Variants in DISC1 observed in about 807,000 individuals in gnomAD.
DISC1 encodes the protein DISC1 scaffold protein.
Under a neutral mutation model 84.5 loss-of-function variants are expected in DISC1, and 57 were observed. The observed-to-expected ratio is 0.67, with a 90% CI of 0.55 to 0.84. DISC1 has a LOEUF of 0.84. Among genes scored for constraint, DISC1 ranks in the 40% least tolerant of loss-of-function variants. DISC1 has a pLI of 0.00. For missense variants in DISC1, 1,000 were observed against 1,057.8 expected (o/e 0.95, Z 0.76); for synonymous variants, 411 against 415.2 (o/e 0.99, Z 0.12).
In DISC1 at chr1:231,828,435, G is replaced by T. The variant is rs2082009593; in HGVS notation, c.1981+9918G>T. Among the ~76,000 whole-genome samples, 2 of 152,170 alleles carry T rather than the reference G, an allele frequency of 1.3e-5. 1 individual carries two copies. Among genetic ancestry groups the T allele is most frequent in the South Asian group, 4.1e-4 (2 of 4,824 alleles). On this transcript the variant is annotated intron_variant, in intron 9 of 12. Coordinates refer to ENST00000439617, the MANE Select transcript of DISC1 (RefSeq NM_018662.3). Reference sequence around the variant, plus strand: ...TGGATGCCAACTTCATGTCTGCCCTGAGAAGGTCACCAAACACGGACATTC... The same window carrying T: ...TGGATGCCAACTTCATGTCTGCCCTTAGAAGGTCACCAAACACGGACATTC...
intron 9 of DISC1, among the ~76,000 whole-genome samples, chr1:231,900,300 C>T (rs2126025142): frequency 6.6e-6 from 1 of 152,304 alleles, no homozygotes; most frequent in South Asian, 2.1e-4. Flanking sequence ...GGAAAAATAC[C>T]ACTGCGGTGG....
intron 4 of DISC1, among the ~76,000 whole-genome samples, chr1:231,756,377 G>A (rs1236526033): frequency 6.6e-6 from 1 of 152,148 alleles, no homozygotes; most frequent in African/African-American, 2.4e-5. Flanking sequence ...GGACAAGACT[G>A]TATTATATTT....
At chr1:232,018,287 C>T (rs1282243397) in intron 11 of DISC1, among the ~76,000 whole-genome samples, 1 of 152,112 alleles carries the variant, frequency 6.6e-6, no homozygotes, top group Non-Finnish European at 1.5e-5. Flanking sequence ...AATATAAGCT[C>T]CAGTTCTAAA....
chr1:231,919,853 A>G (rs966818578), intron 9 of DISC1, among the ~76,000 whole-genome samples: 16 of 152,210 alleles, frequency 1.1e-4, no homozygotes, highest in African/African-American at 3.9e-4. Context: ...TCAGATCTGT[A>G]TACTTGTGTT....
chr1:231,748,109 A>G (rs1352603099), intron 3 of DISC1, among the ~76,000 whole-genome samples: 5 of 152,154 alleles, frequency 3.3e-5, no homozygotes, highest in Non-Finnish European at 5.9e-5. Context: ...CACTGAATTC[A>G]TTTATCAGTT....
At chr1:231,813,449 G>C (rs532746012) in intron 8 of DISC1, 1 of 152,362 alleles carries the variant, frequency 6.6e-6, no homozygotes, top group South Asian at 2.1e-4. Context: ...CCTCCTGCGA[G>C]CTCCCCAGAG....
At chr1:231,959,515 A>C in intron 10 of DISC1, 1 of 985,286 alleles carries the variant, frequency 1.0e-6, no homozygotes, top group Non-Finnish European at 1.2e-6. Flanking sequence ...TCTTCCCTGG[A>C]AGTCATTTAG....
At chr1:231,780,792 A>C (rs1288765351) in intron 6 of DISC1, among the ~76,000 whole-genome samples, 1 of 96,778 alleles carries the variant, frequency 1.0e-5, no homozygotes, top group Admixed American at 1.2e-4. Flanking sequence ...TGGATTAAGA[A>C]AATGTGGCAC....
At chr1:231,852,485 T>TA (rs1407355646) in intron 9 of DISC1, among the ~76,000 whole-genome samples, 1 of 152,198 alleles carries the variant, frequency 6.6e-6, no homozygotes, top group Non-Finnish European at 1.5e-5. Flanking sequence ...GCATCTTTCT[T>TA]AAACACATTA....
chr1:231,807,173 A>G (rs965258323), intron 8 of DISC1, among the ~76,000 whole-genome samples: 1 of 152,164 alleles, frequency 6.6e-6, no homozygotes. Flanking sequence ...ACACGGTCCT[A>G]TATTGGGCCC....
chr1:231,855,785 T>C (rs2084226687), intron 9 of DISC1, among the ~76,000 whole-genome samples: 1 of 152,226 alleles, frequency 6.6e-6, no homozygotes, highest in African/African-American at 2.4e-5. Flanking sequence ...GTCTCTATTT[T>C]GGGACTTGAT....
intron 9 of DISC1, among the ~76,000 whole-genome samples, chr1:231,873,086 C>T (rs1421461778): frequency 6.6e-6 from 1 of 152,216 alleles, no homozygotes; most frequent in Non-Finnish European, 1.5e-5. Context: ...CTGTGCAGCC[C>T]TGCAAGGGCC....
At chr1:231,836,453 TC>T (rs2125842272) in intron 9 of DISC1, among the ~76,000 whole-genome samples, 1 of 152,292 alleles carries the variant, frequency 6.6e-6, no homozygotes, top group East Asian at 1.9e-4. Context: ...TTGCAATAGT[TC>T]CCTGCCCTTC....
At position 231,818,428 on chromosome 1, in the gene DISC1, TGAG is replaced by T; in HGVS notation, c.1893_1895del (p.Leu631_Ser632delinsPhe). 1 of 1,614,208 alleles carries T rather than the reference TGAG, an allele frequency of 6.2e-7. No homozygotes were observed. Among genetic ancestry groups the T allele is most frequent in the Admixed American group, 1.7e-5 (1 of 60,028 alleles). ...GGACTCCTCAGCAAGCTGTTGGTGT[TGAG>T]TTCCAGGAATGTCAAAAAGCTGGGA... On this transcript the variant is annotated inframe_deletion, in exon 9 of 13. Transcript: ENST00000439617.
chr1:232,034,980 T>A (rs993201756), intron 12 of DISC1, among the ~76,000 whole-genome samples: 1 of 151,986 alleles, frequency 6.6e-6, no homozygotes, highest in Non-Finnish European at 1.5e-5. Flanking sequence ...TTTCCTCAAG[T>A]TCAAATGCAA....
At chr1:231,836,818 C>T (rs1441363742) in intron 9 of DISC1, among the ~76,000 whole-genome samples, 1 of 152,162 alleles carries the variant, frequency 6.6e-6, no homozygotes, top group African/African-American at 2.4e-5. Flanking sequence ...TAAGCCCCGC[C>T]CCGCCCCTCC....
At chr1:231,710,527 G>T (rs975161473) in intron 3 of DISC1, among the ~76,000 whole-genome samples, 3 of 152,140 alleles carry the variant, frequency 2.0e-5, no homozygotes, top group African/African-American at 7.2e-5. Context: ...AGTCTGCTTG[G>T]ACTGCCATGG....
intron 12 of DISC1, among the ~76,000 whole-genome samples, chr1:232,029,583 G>A (rs997265865): frequency 1.3e-5 from 2 of 152,228 alleles, no homozygotes; most frequent in African/African-American, 4.8e-5. Context: ...CACAGTGAGT[G>A]CAGTGTTTTG....
In DISC1 at chr1:231,664,108, A is replaced by C. The variant is rs545019617; in HGVS notation, c.68-29718A>C. 4.6e-5 allele frequency among the ~76,000 whole-genome samples: 7 copies of C among 151,996 alleles called. No individual in the cohort carries two copies. In the South Asian group the frequency reaches 1.5e-3, roughly 32 times the overall value. ...TATCTATGTCTAGCTTGACCATCAC[A>C]ACAGTCTAAGGAGAAGCTATGCTTA... On this transcript the variant is annotated intron_variant, in intron 1 of 12. Transcript: ENST00000439617.
Sources: gnomAD v4.1 joint callset for allele counts (sites outside exome capture counted in the v4.1 genomes callset) on GRCh38, gnomAD v4.1.1 for gene constraint, MANE v1.5 for transcripts, NCBI Gene and HGNC (gene_info 2026-07-23, HGNC 2026-07-21) for gene names.